ACTR1A: variants seen among roughly 807,000 people sequenced by gnomAD.
ACTR1A encodes the protein actin related protein 1A.
ACTR1A carries 10 observed loss-of-function variants against 50.7 expected under a neutral mutation model. That is an observed-to-expected ratio of 0.20 (90% confidence interval 0.12 to 0.33). ACTR1A has a LOEUF of 0.33. ACTR1A is among the 10% of genes least tolerant of loss of function. ACTR1A has a pLI of 1.00. For synonymous variants in ACTR1A, 177 were observed against 184.2 expected (o/e 0.96, Z 0.32); for missense variants, 253 against 491.7 (o/e 0.51, Z 4.59).
chr10:102,485,175 G>A (rs1161114215), intron 5 of ACTR1A, among the ~76,000 whole-genome samples: 1 of 152,038 alleles, frequency 6.6e-6, no homozygotes, highest in Non-Finnish European at 1.5e-5. Flanking sequence ...TGGGGTAGGA[G>A]TGTGACAGGA....
chr10:102,482,874 GC>G lies in ACTR1A; in HGVS notation c.750+136del, dbSNP rs1286137787. 8.4e-6 allele frequency: 6 copies of G among 713,632 alleles called. No homozygotes were observed. The highest frequency in any genetic ancestry group is 1.5e-5 in the Non-Finnish European group (6 of 403,808). 44.2% of individuals were successfully genotyped at this position (713,632 alleles called of 1,614,324 possible). On this transcript the variant is annotated intron_variant, in intron 7 of 10. Transcript: ENST00000369905. The surrounding 1 kb of genome is among the most constrained non-coding windows in gnomAD (Gnocchi z 5.6). Reference sequence around the variant, plus strand: ...TGAAAGCCATCCTGGGCCACGTGCAGCCCATGGGCCAGGGGTTGGACAAGCT... The same window carrying G: ...TGAAAGCCATCCTGGGCCACGTGCAGCCATGGGCCAGGGGTTGGACAAGCT...
At chr10:102,495,980 C>G (rs2062220350) in intron 1 of ACTR1A, among the ~76,000 whole-genome samples, 1 of 151,836 alleles carries the variant, frequency 6.6e-6, no homozygotes, top group South Asian at 2.1e-4. Flanking sequence ...CAGTCTCGCT[C>G]TGTTGCCCAG....
Position 102,484,334 on chromosome 10 carries a change from C to T in ACTR1A, c.483G>A (p.Gly161=). ...TGGGCACAGCATGGGTGACTCCATC[C>T]CCAGAATCCAGCACCACCCCTGTGG... is the stretch of plus-strand genomic sequence containing the variant. The part of the protein sequence containing the change: ...GRTTGVVLDS[G]DGVTHAVPIY... The change falls in exon 6 of 11, where the codon GGG becomes GGA. Residue 161 remains glycine (G), a synonymous_variant. Transcript: ENST00000369905. 3 of 1,614,146 alleles carry T rather than the reference C, an allele frequency of 1.9e-6. No homozygotes were observed. Among genetic ancestry groups the T allele is most frequent in the Non-Finnish European group, 2.5e-6 (3 of 1,180,026 alleles).
At chr10:102,487,344 G>A (rs2062173778) in intron 4 of ACTR1A, among the ~76,000 whole-genome samples, 3 of 152,074 alleles carry the variant, frequency 2.0e-5, no homozygotes, top group African/African-American at 7.2e-5. Context: ...AATCCGGGAG[G>A]CAGAGGTTGC....
chr10:102,492,767 C>G (rs557593588), intron 1 of ACTR1A, among the ~76,000 whole-genome samples: 177 of 152,060 alleles, frequency 1.2e-3, no homozygotes, highest in African/African-American at 3.8e-3. Context: ...TGTGGGAGGC[C>G]GAAGCGGGGC....
chr10:102,490,000 C>T (rs978551498), intron 2 of ACTR1A, among the ~76,000 whole-genome samples: 8 of 152,072 alleles, frequency 5.3e-5, no homozygotes, highest in Admixed American at 6.5e-5. Context: ...CTTTGGGAGG[C>T]CGAGGCAGGC....
chr10:102,501,276 GAAATCTGTTATTT>G (rs1032115237), intron 1 of ACTR1A, among the ~76,000 whole-genome samples: 2 of 152,200 alleles, frequency 1.3e-5, no homozygotes, highest in Non-Finnish European at 2.9e-5. Flanking sequence ...TGGATGGTTT[GAAATCTGTTATTT>G]AACATCCCTG....
rs2062130315 is a variant in ACTR1A, at chr10:102,480,006, G to C, written c.*857C>G. ...GGTGGGGCCCTGGAGGCTAAGCTTAGGTGCTGTAAACATTAGTGTAGCAAG... is the reference window on the plus strand; with the variant it reads ...GGTGGGGCCCTGGAGGCTAAGCTTACGTGCTGTAAACATTAGTGTAGCAAG... On this transcript the variant is annotated 3_prime_UTR_variant, in exon 11 of 11. Transcript: ENST00000369905. 1 of 212,900 alleles carries C rather than the reference G, an allele frequency of 4.7e-6. No homozygotes were observed. The highest frequency in any genetic ancestry group is 5.1e-5 in the Admixed American group (1 of 19,664). The allele number at this position is 212,900 out of a possible 1,614,324, so 13.2% of individuals were successfully genotyped here. A position where few individuals can be genotyped will look rare whatever the true frequency, so the allele number is the denominator to read the frequency against.
At position 102,480,982 on chromosome 10, in the gene ACTR1A, C is replaced by G. The variant is rs2062136763; in HGVS notation, c.1029-17G>C. 1 of 1,602,738 alleles carries G rather than the reference C, an allele frequency of 6.2e-7. No homozygotes were observed. Among genetic ancestry groups the G allele is most frequent in the South Asian group, 1.1e-5 (1 of 90,848 alleles). On this transcript the variant is annotated splice_polypyrimidine_tract_variant and intron_variant, in intron 10 of 10. Coordinates refer to ENST00000369905, the MANE Select transcript of ACTR1A (RefSeq NM_005736.4). ...ATGGAGCCCCTGGAGGGAGGAAACC[C>G]AGAGGAACTGTGTGAGAGAGAAGTG...
At chr10:102,491,603 A>T (rs1481022732) in intron 1 of ACTR1A, among the ~76,000 whole-genome samples, 3 of 152,214 alleles carry the variant, frequency 2.0e-5, no homozygotes, top group Admixed American at 6.5e-5. Flanking sequence ...CTGCTGCTCC[A>T]ACACTTGGTA....
intron 6 of ACTR1A, 106 bp downstream of exon 6, chr10:102,484,054 A>AC (rs2062155310): frequency 5.7e-6 from 6 of 1,047,896 alleles, no homozygotes; most frequent in Non-Finnish European, 2.9e-6. Flanking sequence ...CTCACCAGGG[A>AC]CCCCCAGGCA....
intron 2 of ACTR1A, among the ~76,000 whole-genome samples, chr10:102,489,382 A>G (rs978032153): frequency 2.0e-5 from 3 of 152,106 alleles, no homozygotes; most frequent in African/African-American, 7.2e-5. Context: ...AAATTTTTAG[A>G]GTATTTAATA....
intron 1 of ACTR1A, 63 bp from the exon 2 acceptor site, chr10:102,490,676 T>C (rs2062187653): frequency 7.4e-7 from 1 of 1,347,410 alleles, no homozygotes; most frequent in Non-Finnish European, 1.1e-6. Flanking sequence ...GAAAAATACA[T>C]TATATGGTAC....
At position 102,480,593 on chromosome 10, in the gene ACTR1A, C is replaced by T; in HGVS notation, c.*270G>A. ...TCCCCCACAGCCAGCCAGAGGCCAC[C>T]TGAGGAGGGAGCACAGCCTCTGCCA... On this transcript the variant is annotated 3_prime_UTR_variant, in exon 11 of 11. Coordinates refer to ENST00000369905, the MANE Select transcript of ACTR1A (RefSeq NM_005736.4). 1 of 501,700 alleles carries T rather than the reference C, an allele frequency of 2.0e-6. No individual in the cohort carries two copies. The highest frequency in any genetic ancestry group is 3.3e-5 in the Admixed American group (1 of 29,950). The allele number at this position is 501,700 out of a possible 1,614,324, so 31.1% of individuals were successfully genotyped here. A position where few individuals can be genotyped will look rare whatever the true frequency, so the allele number is the denominator to read the frequency against.
At chr10:102,498,491 C>T (rs189097921) in intron 1 of ACTR1A, among the ~76,000 whole-genome samples, 14 of 152,234 alleles carry the variant, frequency 9.2e-5, no homozygotes, top group African/African-American at 3.4e-4. Context: ...TCAGGCAAAA[C>T]TGTAAACTTA....
chr10:102,491,825 G>C lies in ACTR1A; in HGVS notation c.49-1212C>G, dbSNP rs1016940581. Among the ~76,000 whole-genome samples, 4 of 152,150 alleles carry C rather than the reference G, an allele frequency of 2.6e-5. No individual in the cohort carries two copies. In the East Asian group the frequency reaches 5.8e-4, roughly 22 times the overall value. ...CTGTCGCCCAGGCTGGAGTGCAGTGGTGCAATCTGGGCTCACTGCAAGCTC... is the reference window on the plus strand; with the variant it reads ...CTGTCGCCCAGGCTGGAGTGCAGTGCTGCAATCTGGGCTCACTGCAAGCTC... On this transcript the variant is annotated intron_variant, in intron 1 of 10. Transcript: ENST00000369905.
At chr10:102,495,928 A>AT (rs901835959) in intron 1 of ACTR1A, among the ~76,000 whole-genome samples, 1 of 144,704 alleles carries the variant, frequency 6.9e-6, no homozygotes, top group Non-Finnish European at 1.5e-5. Flanking sequence ...CACCTGGCTA[A>AT]TTTTTTTGTA....
chr10:102,502,260 G>A (rs1317558620), intron 1 of ACTR1A, among the ~76,000 whole-genome samples: 2 of 152,110 alleles, frequency 1.3e-5, no homozygotes, highest in Non-Finnish European at 1.5e-5. Context: ...GGCTAAGATG[G>A]ACAGCCAGAG....
intron 1 of ACTR1A, among the ~76,000 whole-genome samples, chr10:102,502,392 A>G (rs1301169126): frequency 1.3e-5 from 2 of 151,790 alleles, no homozygotes; most frequent in East Asian, 3.9e-4. Context: ...TCCTTTATCC[A>G]CTCCAGAGTT....
Sources: gnomAD v4.1 joint callset for allele counts (sites outside exome capture counted in the v4.1 genomes callset) on GRCh38, gnomAD v4.1.1 for gene constraint, Gnocchi (gnomAD v3.1) non-coding constraint, MANE v1.5 for transcripts, NCBI Gene and HGNC (gene_info 2026-07-23, HGNC 2026-07-21) for gene names.